The following IFT74 variants were observed in gnomAD, a reference collection of about 807,000 sequenced individuals.
IFT74 encodes the protein intraflagellar transport protein 74 homolog.
Under a neutral mutation model 96.7 loss-of-function variants are expected in IFT74, and 92 were observed. The ratio of observed to expected loss-of-function variants is 0.95; its 90% CI spans 0.80 to 1.13. The LOEUF is 1.13. IFT74 is among the 50% of genes most tolerant of loss of function. IFT74 has a pLI of 0.00. For missense variants in IFT74, 811 were observed against 698.2 expected, an observed-to-expected ratio of 1.16 and a Z score of -1.82; for synonymous variants, 223 against 213.2, an observed-to-expected ratio of 1.05 and a Z score of -0.40.
At chr9:26,959,269 C>G (rs551165692) in intron 1 of IFT74, among the ~76,000 whole-genome samples, 1 of 152,112 alleles carries the variant, frequency 6.6e-6, no homozygotes, top group African/African-American at 2.4e-5. Flanking sequence ...CCACCACACC[C>G]GGCTAATTTT....
intron 8 of IFT74, among the ~76,000 whole-genome samples, chr9:26,992,187 A>C (rs914482408): frequency 6.6e-6 from 1 of 152,222 alleles, no homozygotes; most frequent in African/African-American, 2.4e-5. Context: ...TATTTTACAG[A>C]TATTTCATCT....
At chr9:26,975,856 C>A (rs898959723) in intron 2 of IFT74, among the ~76,000 whole-genome samples, 1 of 152,184 alleles carries the variant, frequency 6.6e-6, no homozygotes, top group Non-Finnish European at 1.5e-5. Context: ...TCCTTGCATC[C>A]TTCTTTCGCT....
At chr9:27,021,338 G>T (rs1252919229) in intron 12 of IFT74, among the ~76,000 whole-genome samples, 2 of 151,998 alleles carry the variant, frequency 1.3e-5, no homozygotes, top group African/African-American at 4.8e-5. Flanking sequence ...ATTTCCTCTG[G>T]ATAGATACCT....
intron 8 of IFT74, chr9:26,998,170 T>A: frequency 6.3e-7 from 1 of 1,582,390 alleles, no homozygotes. Flanking sequence ...TGAGATCAAG[T>A]ATAGTAACAT....
At chr9:27,008,908 G>C (rs1828917630) in intron 8 of IFT74, 112 bp from the exon 9 acceptor site, 1 of 793,492 alleles carries the variant, frequency 1.3e-6, no homozygotes, top group Admixed American at 3.0e-5. Context: ...GTCACACACT[G>C]TGGTTGAATG....
upstream of IFT74, among the ~76,000 whole-genome samples, chr9:26,953,697 G>T (rs1283177747): frequency 6.6e-6 from 1 of 151,046 alleles, no homozygotes; most frequent in East Asian, 1.9e-4. Context: ...TTTTTGTAGG[G>T]GGGGGGTCTC....
At chr9:27,031,510 C>T (rs1025705853) in intron 13 of IFT74, among the ~76,000 whole-genome samples, 1 of 149,650 alleles carries the variant, frequency 6.7e-6, no homozygotes, top group East Asian at 2.0e-4. Flanking sequence ...CAGATTAATA[C>T]TTGAGAGTTT....
At chr9:27,042,844 A>G (rs1819537213) in intron 13 of IFT74, among the ~76,000 whole-genome samples, 1 of 152,172 alleles carries the variant, frequency 6.6e-6, no homozygotes, top group Admixed American at 6.5e-5. Flanking sequence ...AATGATATTT[A>G]TATGCACATC....
intron 13 of IFT74, among the ~76,000 whole-genome samples, chr9:27,030,612 T>C (rs1299468979): frequency 6.6e-6 from 1 of 151,044 alleles, no homozygotes; most frequent in African/African-American, 2.4e-5. Flanking sequence ...TGTGTATGTG[T>C]GTGCTAACTA....
chr9:27,015,780 T>A (rs1829308681), intron 10 of IFT74, among the ~76,000 whole-genome samples: 1 of 152,242 alleles, frequency 6.6e-6, no homozygotes. Context: ...AGTTTTCTCA[T>A]CTGTAAAATA....
rs1182394521 is a variant in IFT74 at position 27,063,330 on chromosome 9, A to G, written c.*594A>G. Among the ~76,000 whole-genome samples the G allele has an allele frequency of 3.3e-5, 5 of 152,152 alleles. No individual in the cohort carries two copies. Among genetic ancestry groups the G allele is most frequent in the Non-Finnish European group, 5.9e-5 (4 of 67,998 alleles). Reference sequence around the variant, plus strand: ...CAATTCTTAAAATATTTTTTCACATATATATACCTGGAAGAACATTAGGTA... The same window carrying G: ...CAATTCTTAAAATATTTTTTCACATGTATATACCTGGAAGAACATTAGGTA... On this transcript the variant is annotated 3_prime_UTR_variant, in exon 20 of 20. Transcript: ENST00000380062.
intron 14 of IFT74, 78 bp from the exon 15 acceptor site, chr9:27,047,196 T>C: frequency 1.2e-6 from 1 of 833,348 alleles, no homozygotes; most frequent in South Asian, 1.7e-5. Flanking sequence ...TAAAAAGCAC[T>C]CTTAAGAACT....
intron 19 of IFT74, among the ~76,000 whole-genome samples, chr9:27,061,403 G>A (rs1280380094): frequency 6.6e-6 from 1 of 152,112 alleles, no homozygotes; most frequent in African/African-American, 2.4e-5. Flanking sequence ...CAGGGCTTGG[G>A]TAAAGTTAAA....
At chr9:26,965,156 A>C (rs1201513418) in intron 2 of IFT74, among the ~76,000 whole-genome samples, 3 of 152,208 alleles carry the variant, frequency 2.0e-5, no homozygotes, top group Non-Finnish European at 4.4e-5. Flanking sequence ...ACAAAAGTTT[A>C]AAAGTGATAT....
At chr9:27,048,026 T>C (rs2131685959) in intron 15 of IFT74, 122 bp from the exon 16 acceptor site, 1 of 542,188 alleles carries the variant, frequency 1.8e-6, no homozygotes, top group Admixed American at 3.9e-5. Context: ...ACTTGAATGG[T>C]GTATTTCAAA....
intron 16 of IFT74, among the ~76,000 whole-genome samples, chr9:27,052,309 A>G (rs1408484096): frequency 6.6e-6 from 1 of 152,158 alleles, no homozygotes; most frequent in African/African-American, 2.4e-5. Context: ...CACGAGTTCA[A>G]GAGCTGCCTG....
chr9:26,981,926 C>T (rs577509860), intron 4 of IFT74, among the ~76,000 whole-genome samples: 46 of 151,854 alleles, frequency 3.0e-4, no homozygotes, highest in African/African-American at 7.5e-4. Flanking sequence ...CGCCACCATG[C>T]CTGGCTAATT....
At chr9:27,014,001 G>T (rs979247333) in intron 10 of IFT74, among the ~76,000 whole-genome samples, 1 of 152,218 alleles carries the variant, frequency 6.6e-6, no homozygotes, top group Non-Finnish European at 1.5e-5. Context: ...AGATCACAAG[G>T]TCAGGAGATC....
chr9:27,058,563 T>C (rs1315230762), intron 18 of IFT74, among the ~76,000 whole-genome samples: 1 of 152,086 alleles, frequency 6.6e-6, no homozygotes, highest in African/African-American at 2.4e-5. Context: ...TTTTTTTGTG[T>C]TTTTAGTAGA....
Sources: allele counts gnomAD v4.1 joint callset (sites outside exome capture counted in the v4.1 genomes callset), GRCh38; gene constraint gnomAD v4.1.1; transcripts MANE v1.5; gene names NCBI Gene and HGNC (gene_info 2026-07-23, HGNC 2026-07-21).